Variants in KCNQ3 observed in about 807,000 individuals in gnomAD.
KCNQ3 encodes potassium voltage-gated channel subfamily Q member 3, also known as potassium voltage-gated channel subfamily KQT member 3.
In KCNQ3, 30 loss-of-function variants were observed where a neutral mutation model predicts 92.5. The ratio of observed to expected loss-of-function variants is 0.32; its 90% confidence interval spans 0.24 to 0.44. KCNQ3 has a LOEUF of 0.44. Among genes scored for constraint, KCNQ3 ranks in the 20% least tolerant of loss-of-function variants. The pLI is 1.00. For missense variants in KCNQ3, 913 were observed against 1,140.3 expected (o/e 0.80, Z 2.87); for synonymous variants, 450 against 468.8 (o/e 0.96, Z 0.52).
At chr8:132,378,405 A>C (rs1248747295) in intron 1 of KCNQ3, among the ~76,000 whole-genome samples, 4 of 152,234 alleles carry the variant, frequency 2.6e-5, no homozygotes, top group Middle Eastern at 3.4e-3. Context: ...AAAAAAAAGA[A>C]AGACAATACT....
At chr8:132,376,052 G>GT (rs1819598934) in intron 1 of KCNQ3, among the ~76,000 whole-genome samples, 1 of 152,100 alleles carries the variant, frequency 6.6e-6, no homozygotes, top group African/African-American at 2.4e-5. Flanking sequence ...AGGCCCTCAT[G>GT]GAACATGCAT....
At chr8:132,451,980 G>C (rs1821829948) in intron 1 of KCNQ3, among the ~76,000 whole-genome samples, 1 of 152,148 alleles carries the variant, frequency 6.6e-6, no homozygotes, top group African/African-American at 2.4e-5. Flanking sequence ...CCTGGAGTTG[G>C]AGGGCACCTT....
intron 1 of KCNQ3, among the ~76,000 whole-genome samples, chr8:132,234,055 C>T (rs1314300016): frequency 1.3e-5 from 2 of 152,148 alleles, no homozygotes; most frequent in Non-Finnish European, 2.9e-5. Flanking sequence ...CTAGAACATA[C>T]CAGGACAAAC....
Position 132,480,882 on chromosome 8 carries a change from G to T in KCNQ3, c.-350C>A. 1 of 156,086 alleles carries T rather than the reference G, an allele frequency of 6.4e-6. No homozygotes were observed. Among genetic ancestry groups the T allele is most frequent in the Non-Finnish European group, 1.4e-5 (1 of 71,898 alleles). The allele number at this position is 156,086 out of a possible 1,614,324, so 9.7% of individuals were successfully genotyped here. On this transcript the variant is annotated 5_prime_UTR_variant, in exon 1 of 15. Transcript: ENST00000388996. The stretch of plus-strand genomic sequence containing the variant: ...CTGGAACCGGCGCTCCGGGGCGGCG[G>T]CGGCGGCGGCGGCACCCAGGCCGGC...
chr8:132,241,605 G>C (rs542029343), intron 1 of KCNQ3, among the ~76,000 whole-genome samples: 138 of 152,204 alleles, frequency 9.1e-4, no homozygotes, highest in Non-Finnish European at 1.5e-4. Context: ...AGGCCGAGGC[G>C]GGCAGATCAT....
intron 1 of KCNQ3, among the ~76,000 whole-genome samples, chr8:132,273,131 T>A (rs181060943): frequency 3.9e-5 from 6 of 152,312 alleles, no homozygotes; most frequent in Admixed American, 3.3e-4. Flanking sequence ...GTGGGGGCTC[T>A]GACCCCATAT....
chr8:132,353,284 G>A (rs1818928921), intron 1 of KCNQ3, among the ~76,000 whole-genome samples: 1 of 152,034 alleles, frequency 6.6e-6, no homozygotes, highest in South Asian at 2.1e-4. Flanking sequence ...GACCTGGGAG[G>A]AGGCAGAGGG....
chr8:132,248,778 G>A (rs1815280586), intron 1 of KCNQ3, among the ~76,000 whole-genome samples: 1 of 152,166 alleles, frequency 6.6e-6, no homozygotes, highest in Admixed American at 6.5e-5. Flanking sequence ...TGAAGAACAA[G>A]ATCCAGCTGA....
rs1048700057 is a variant in KCNQ3 at position 132,121,625 on chromosome 8, A to G, written c.*7637T>C. Reference sequence around the variant, plus strand: ...AACCTTGATCTTTTAATACTGAGAAAGAGAGACACAACTGTTCTGAGCTTT... The same window carrying G: ...AACCTTGATCTTTTAATACTGAGAAGGAGAGACACAACTGTTCTGAGCTTT... On this transcript the variant is annotated 3_prime_UTR_variant, in exon 15 of 15. Coordinates refer to ENST00000388996, the MANE Select transcript of KCNQ3 (RefSeq NM_004519.4). 9.9e-5 allele frequency: 15 copies of G among 152,224 alleles called. No individual in the cohort carries two copies. The highest frequency in any genetic ancestry group is 3.6e-4 in the African/African-American group (15 of 41,456). 9.4% of individuals were successfully genotyped at this position (152,224 alleles called of 1,614,324 possible).
intron 1 of KCNQ3, among the ~76,000 whole-genome samples, chr8:132,415,830 G>A (rs765924930): frequency 6.6e-5 from 10 of 152,158 alleles, no homozygotes; most frequent in Non-Finnish European, 1.3e-4. Flanking sequence ...CATATCTCTG[G>A]CATGAAAATT....
At chr8:132,399,046 T>C (rs1334373798) in intron 1 of KCNQ3, among the ~76,000 whole-genome samples, 1 of 152,136 alleles carries the variant, frequency 6.6e-6, no homozygotes, top group African/African-American at 2.4e-5. Flanking sequence ...ATCGTAAAAG[T>C]CCACCAACAA....
rs187993515 is a variant in KCNQ3, at chr8:132,172,540, C to T, written c.1140+58G>A. On this transcript the variant is annotated intron_variant, in intron 7 of 14. Transcript: ENST00000388996. ...ACATGCACACATACACACACACACA[C>T]GTATGTACATATGCATGGATCTTAA... The T allele has an allele frequency of 2.3e-5, 33 of 1,417,980 alleles. No homozygotes were observed. The Admixed American group carries it at 3.7e-4, about 16-fold the overall frequency. The allele number at this position is 1,417,980 out of a possible 1,614,324, so 87.8% of individuals were successfully genotyped here.
In KCNQ3 at chr8:132,140,205, G is replaced by T. The variant is rs779654877; in HGVS notation, c.1466-27C>A. On this transcript the variant is annotated intron_variant, in intron 10 of 14. Coordinates refer to ENST00000388996, the MANE Select transcript of KCNQ3 (RefSeq NM_004519.4). ...TGGGAGGGAGACACACATATGAACG[G>T]CAGGCCACAGACCTGGAAAAGGCTT... 5 of 1,553,944 alleles carry T rather than the reference G, an allele frequency of 3.2e-6. No individual in the cohort carries two copies. The African/African-American group carries it at 5.4e-5, about 17-fold the overall frequency.
In KCNQ3 at chr8:132,182,466, C is replaced by A. The variant is rs551009879; in HGVS notation, c.604+1775G>T. On this transcript the variant is annotated intron_variant, in intron 3 of 14. Transcript: ENST00000388996. Reference sequence around the variant, plus strand: ...AAAACATGGCAACACTAAGTAAGGACCGTGTGATGCTGAGGCCCAGCCTCA... The same window carrying A: ...AAAACATGGCAACACTAAGTAAGGAACGTGTGATGCTGAGGCCCAGCCTCA... Among the ~76,000 whole-genome samples, 6 of 152,308 alleles carry A rather than the reference C, an allele frequency of 3.9e-5. No individual in the cohort carries two copies. The South Asian group carries it at 1.2e-3, about 32-fold the overall frequency.
At chr8:132,210,163 C>A (rs1813805481) in intron 1 of KCNQ3, among the ~76,000 whole-genome samples, 2 of 152,208 alleles carry the variant, frequency 1.3e-5, no homozygotes. Context: ...AATGTACTAG[C>A]TCTGGGTGGG....
At chr8:132,254,952 T>C (rs1170774554) in intron 1 of KCNQ3, among the ~76,000 whole-genome samples, 1 of 152,134 alleles carries the variant, frequency 6.6e-6, no homozygotes, top group Non-Finnish European at 1.5e-5. Context: ...TCTTCCATAA[T>C]AGCAACAGAA....
In KCNQ3 at chr8:132,303,565, G is replaced by GATATATATATATATAT. The variant is rs781058299; in HGVS notation, c.387-117385_387-117384insATATATATATATATAT. 9.5e-3 allele frequency among the ~76,000 whole-genome samples: 404 copies of GATATATATATATATAT among 42,550 alleles called. 84 individuals are homozygous for GATATATATATATATAT. Among genetic ancestry groups the GATATATATATATATAT allele is most frequent in the Middle Eastern group, 0.071 (4 of 56 alleles). 27.9% of individuals were successfully genotyped at this position (42,550 alleles called of 152,430 possible). A position where few individuals can be genotyped will look rare whatever the true frequency, so the allele number is the denominator to read the frequency against. The stretch of plus-strand genomic sequence containing the variant: ...ACTTGTGATCAGATAAAGAAAATGT[G>GATATATATATATATAT]ATATATATATATATGGTGTGTGTGT... On this transcript the variant is annotated intron_variant, in intron 1 of 14. Coordinates refer to ENST00000388996, the MANE Select transcript of KCNQ3 (RefSeq NM_004519.4).
chr8:132,459,224 A>G (rs1028668203), intron 1 of KCNQ3, among the ~76,000 whole-genome samples: 10 of 152,216 alleles, frequency 6.6e-5, no homozygotes, highest in African/African-American at 2.2e-4. Context: ...CATACTATCA[A>G]CATGATTAAT....
At chr8:132,329,710 A>G (rs1818174530) in intron 1 of KCNQ3, among the ~76,000 whole-genome samples, 1 of 152,170 alleles carries the variant, frequency 6.6e-6, no homozygotes, top group Admixed American at 6.5e-5. Context: ...TCCCTCCCAG[A>G]TCTGCTCTTG....
Sources: allele counts gnomAD v4.1 joint callset (sites outside exome capture counted in the v4.1 genomes callset), GRCh38; gene constraint gnomAD v4.1.1; transcripts MANE v1.5; gene names NCBI Gene and HGNC (gene_info 2026-07-23, HGNC 2026-07-21).